Variants in COA1 observed in about 807,000 individuals in gnomAD.
The protein encoded by COA1 is cytochrome c oxidase assembly factor 1 homolog.
Under a neutral mutation model 16.0 loss-of-function variants are expected in COA1, and 13 were observed. The ratio of observed to expected loss-of-function variants is 0.81; its 90% confidence interval spans 0.53 to 1.29. COA1 has a LOEUF of 1.29. Among genes scored for constraint, COA1 ranks in the 50% most tolerant of loss-of-function variants. COA1 has a pLI of 0.00. For synonymous variants in COA1, 65 were observed against 65.7 expected (o/e 0.99, Z 0.05); for missense variants, 179 against 177.0 (o/e 1.01, Z -0.06).
intron 6 of COA1, among the ~76,000 whole-genome samples, chr7:43,617,064 T>C (rs79750299): frequency 1.3e-5 from 2 of 152,186 alleles, no homozygotes; most frequent in African/African-American, 4.8e-5. Context: ...GAATACCATA[T>C]ACAAATTCAC....
intron 4 of COA1, chr7:43,641,693 C>T (rs1019816705): frequency 1.3e-5 from 2 of 152,134 alleles, no homozygotes; most frequent in African/African-American, 4.8e-5. Context: ...TCAGTTTCTC[C>T]TTCATCCCCA....
At chr7:43,613,426 T>A (rs914512920) in intron 6 of COA1, among the ~76,000 whole-genome samples, 1 of 152,232 alleles carries the variant, frequency 6.6e-6, no homozygotes, top group African/African-American at 2.4e-5. Context: ...ATCAGGAACT[T>A]GAGCATCACA....
chr7:43,652,038 C>T (rs2090927076), intron 1 of COA1, among the ~76,000 whole-genome samples: 1 of 152,142 alleles, frequency 6.6e-6, no homozygotes. Flanking sequence ...ACACCCAGAC[C>T]AATTAAAATA....
intron 1 of COA1, among the ~76,000 whole-genome samples, chr7:43,661,183 T>C (rs2092386264): frequency 6.6e-6 from 1 of 152,236 alleles, no homozygotes. Flanking sequence ...AATTACCTAA[T>C]TCTCAATAGA....
intron 1 of COA1, among the ~76,000 whole-genome samples, chr7:43,656,315 T>A (rs544855248): frequency 1.4e-3 from 207 of 152,222 alleles, no homozygotes; most frequent in Non-Finnish European, 2.0e-3. Context: ...GAGCAGCAAT[T>A]TAAAAAGCAA....
At chr7:43,696,184 A>G (rs1369244769) in intron 1 of COA1, among the ~76,000 whole-genome samples, 2 of 152,206 alleles carry the variant, frequency 1.3e-5, no homozygotes, top group African/African-American at 4.8e-5. Context: ...CATAAATAAC[A>G]ATCGCCAGTT....
chr7:43,670,570 G>A (rs1167162085), intron 1 of COA1, among the ~76,000 whole-genome samples: 3 of 152,128 alleles, frequency 2.0e-5, no homozygotes, highest in Non-Finnish European at 4.4e-5. Flanking sequence ...GGCAAAGACA[G>A]ACCTTGACCT....
At chr7:43,694,708 T>C (rs1438832706) in intron 1 of COA1, among the ~76,000 whole-genome samples, 1 of 152,170 alleles carries the variant, frequency 6.6e-6, no homozygotes, top group South Asian at 2.1e-4. Flanking sequence ...CTGGACTTTC[T>C]CTTCTCTCTC....
At chr7:43,659,363 T>G (rs1470739506) in intron 1 of COA1, among the ~76,000 whole-genome samples, 1 of 152,200 alleles carries the variant, frequency 6.6e-6, no homozygotes, top group Non-Finnish European at 1.5e-5. Context: ...TGATGGAAAG[T>G]TTTAAATAGA....
At chr7:43,703,423 G>A (rs2094834842) in intron 1 of COA1, among the ~76,000 whole-genome samples, 1 of 152,178 alleles carries the variant, frequency 6.6e-6, no homozygotes, top group Non-Finnish European at 1.5e-5. Flanking sequence ...AACACTGTCA[G>A]CAGGGTATTG....
chr7:43,720,771 C>G (rs960924585), intron 1 of COA1, among the ~76,000 whole-genome samples: 1 of 152,168 alleles, frequency 6.6e-6, no homozygotes. Context: ...TATATACTGC[C>G]AGACATTAAG....
At chr7:43,686,310 T>C (rs887764238) in intron 1 of COA1, among the ~76,000 whole-genome samples, 6 of 148,736 alleles carry the variant, frequency 4.0e-5, no homozygotes, top group African/African-American at 1.5e-4. Context: ...TGTTTCTTTT[T>C]TTTTTTTTTT....
intron 1 of COA1, among the ~76,000 whole-genome samples, chr7:43,712,365 G>A (rs1284245206): frequency 2.0e-5 from 3 of 152,022 alleles, no homozygotes; most frequent in Non-Finnish European, 4.4e-5. Context: ...CACCTGCCTC[G>A]GCCCCACAAA....
At chr7:43,624,720 T>G in intron 6 of COA1, 5 of 1,614,110 alleles carry the variant, frequency 3.1e-6, no homozygotes, top group Non-Finnish European at 4.2e-6. Flanking sequence ...TGTAGTTACT[T>G]CATATACTCT....
intron 1 of COA1, among the ~76,000 whole-genome samples, chr7:43,712,066 C>T (rs1301736343): frequency 2.0e-5 from 3 of 151,968 alleles, no homozygotes; most frequent in African/African-American, 7.3e-5. Flanking sequence ...TAATCATTCC[C>T]TTGCTTTTCT....
intron 1 of COA1, among the ~76,000 whole-genome samples, chr7:43,654,465 G>A (rs1349035274): frequency 2.0e-5 from 3 of 152,172 alleles, no homozygotes; most frequent in East Asian, 1.9e-4. Flanking sequence ...GACACTACAC[G>A]CTAAAGAAGG....
chr7:43,616,477 C>T (rs2083354779), intron 6 of COA1, among the ~76,000 whole-genome samples: 1 of 152,170 alleles, frequency 6.6e-6, no homozygotes, highest in African/African-American at 2.4e-5. Flanking sequence ...AGTACTGTGG[C>T]TTCTGTCCTC....
At chr7:43,693,164 C>G (rs112574012) in intron 1 of COA1, among the ~76,000 whole-genome samples, 5 of 152,134 alleles carry the variant, frequency 3.3e-5, no homozygotes, top group Non-Finnish European at 5.9e-5. Flanking sequence ...TCCCAGCAGG[C>G]CTGGAGACAG....
At chr7:43,687,358 T>G (rs1372556964) in intron 1 of COA1, among the ~76,000 whole-genome samples, 1 of 152,218 alleles carries the variant, frequency 6.6e-6, no homozygotes, top group Non-Finnish European at 1.5e-5. Flanking sequence ...CATTTTAAAG[T>G]GCTTCCTCGA....
Sources: allele counts gnomAD v4.1 joint callset (sites outside exome capture counted in the v4.1 genomes callset), GRCh38; gene constraint gnomAD v4.1.1; transcripts MANE v1.5; gene names NCBI Gene and HGNC (gene_info 2026-07-23, HGNC 2026-07-21).